The following ERC2 variants were observed in gnomAD, a reference collection of about 807,000 sequenced individuals.
The protein encoded by ERC2 is ERC protein 2.
Under a neutral mutation model 114.8 loss-of-function variants are expected in ERC2, and 42 were observed. That is an observed-to-expected ratio of 0.37 (90% CI 0.29 to 0.47). The LOEUF (loss-of-function observed/expected upper bound fraction) is 0.47, where lower values mean the gene tolerates loss of function less well. Ranked by LOEUF, ERC2 falls within the 20% of genes least tolerant of loss-of-function variation. The probability of loss-of-function intolerance (pLI) is 0.99; values close to 1 mark genes in which losing one functional copy is unlikely to be tolerated. For missense variants in ERC2, 939 were observed against 1,150.7 expected (o/e 0.82, Z 2.66); for synonymous variants, 454 against 425.5 (o/e 1.07, Z -0.82).
chr3:56,327,772 C>A lies in ERC2; in HGVS notation c.658-31337G>T, dbSNP rs910555291. On this transcript the variant is annotated intron_variant, in intron 2 of 17. Coordinates refer to ENST00000288221, the MANE Select transcript of ERC2 (RefSeq NM_015576.3). Reference sequence around the variant, plus strand: ...TTCTGAATCGAGGGAATCAGAGAAACCCTAACCAGCAGGACCCTAACACAA... The same window carrying A: ...TTCTGAATCGAGGGAATCAGAGAAAACCTAACCAGCAGGACCCTAACACAA... Among the ~76,000 whole-genome samples, 7 of 152,158 alleles carry A rather than the reference C, an allele frequency of 4.6e-5. No individual in the cohort carries two copies. In the East Asian group the frequency reaches 1.2e-3, roughly 25 times the overall value.
At chr3:56,451,684 T>C (rs2062834496) in intron 1 of ERC2, among the ~76,000 whole-genome samples, 1 of 152,228 alleles carries the variant, frequency 6.6e-6, no homozygotes, top group East Asian at 1.9e-4. Context: ...GAATGGATAA[T>C]GGTAGGCTTA....
chr3:55,811,342 ACT>A (rs112272075), intron 14 of ERC2, among the ~76,000 whole-genome samples: 4,139 of 152,044 alleles, frequency 0.027, 191 homozygotes, highest in African/African-American at 0.094. Context: ...GCTTTTAGGT[ACT>A]CTCTCTCTCA....
chr3:55,600,622 T>C (rs2058356976), intron 17 of ERC2, among the ~76,000 whole-genome samples: 1 of 152,246 alleles, frequency 6.6e-6, no homozygotes, highest in African/African-American at 2.4e-5. Context: ...ATGTGTGCTC[T>C]TCACTGATTC....
rs551731696 is a variant in ERC2, at chr3:56,309,110, T to C, written c.658-12675A>G. ...TGGCCCCAGTGTGTGGTGGAAGAGT[T>C]GGCCTGCTGAGGGAGGTATAAAAAA... On this transcript the variant is annotated intron_variant, in intron 2 of 17. Coordinates refer to ENST00000288221, the MANE Select transcript of ERC2 (RefSeq NM_015576.3). Among the ~76,000 whole-genome samples the C allele has an allele frequency of 3.3e-5, 5 of 152,320 alleles. No homozygotes were observed. In the South Asian group the frequency reaches 1.0e-3, roughly 32 times the overall value.
chr3:55,982,298 T>C (rs1239222651), intron 12 of ERC2, among the ~76,000 whole-genome samples: 1 of 152,206 alleles, frequency 6.6e-6, no homozygotes, highest in Non-Finnish European at 1.5e-5. Context: ...AGATCCCATC[T>C]GTAAATCAAA....
intron 6 of ERC2, among the ~76,000 whole-genome samples, chr3:56,137,659 CA>C (rs991427303): frequency 1.3e-5 from 2 of 152,162 alleles, no homozygotes; most frequent in African/African-American, 2.4e-5. Flanking sequence ...ACTTTATTTA[CA>C]AAAGCAGGCT....
chr3:56,064,016 C>A lies in ERC2; in HGVS notation c.1641+16801G>T, dbSNP rs1576769961. Among the ~76,000 whole-genome samples the A allele has an allele frequency of 2.6e-5, 4 of 152,132 alleles. No homozygotes were observed. The South Asian group carries it at 8.3e-4, about 32-fold the overall frequency. ...ACTCCTCCACTTGGGAATGCTTTCA[C>A]TGATCTGGAAAAAAAATTTTTTTAA... On this transcript the variant is annotated intron_variant, in intron 7 of 17. Coordinates refer to ENST00000288221, the MANE Select transcript of ERC2 (RefSeq NM_015576.3).
chr3:55,691,767 G>A (rs1399661342), intron 16 of ERC2, among the ~76,000 whole-genome samples: 3 of 151,522 alleles, frequency 2.0e-5, no homozygotes, highest in Non-Finnish European at 4.4e-5. Context: ...CTGATATACG[G>A]TGTTAATTTT....
intron 12 of ERC2, among the ~76,000 whole-genome samples, chr3:55,978,085 C>T (rs1355010099): frequency 1.3e-5 from 2 of 152,112 alleles, no homozygotes; most frequent in Non-Finnish European, 2.9e-5. Context: ...GCAGACATAC[C>T]ATCACTATTT....
intron 15 of ERC2, among the ~76,000 whole-genome samples, chr3:55,704,277 A>T (rs1442156741): frequency 6.6e-6 from 1 of 152,224 alleles, no homozygotes; most frequent in Non-Finnish European, 1.5e-5. Flanking sequence ...CATTGAATTA[A>T]AACTGCTTTT....
At chr3:55,537,790 C>T (rs959814423) in intron 17 of ERC2, among the ~76,000 whole-genome samples, 2 of 152,222 alleles carry the variant, frequency 1.3e-5, no homozygotes, top group Non-Finnish European at 2.9e-5. Flanking sequence ...CATGAGGACA[C>T]ATTTCAACAT....
intron 17 of ERC2, among the ~76,000 whole-genome samples, chr3:55,626,496 C>T (rs1392216093): frequency 6.6e-6 from 1 of 152,184 alleles, no homozygotes; most frequent in Non-Finnish European, 1.5e-5. Flanking sequence ...TTTTTCCATT[C>T]TTTACACATG....
chr3:56,293,232 G>A (rs2055208291), intron 3 of ERC2, among the ~76,000 whole-genome samples: 2 of 152,156 alleles, frequency 1.3e-5, no homozygotes, highest in South Asian at 4.1e-4. Flanking sequence ...AACTTTTGGG[G>A]AACCGTGAGT....
At chr3:55,815,514 A>G (rs1423155856) in intron 14 of ERC2, among the ~76,000 whole-genome samples, 3 of 152,214 alleles carry the variant, frequency 2.0e-5, no homozygotes, top group African/African-American at 7.2e-5. Context: ...ACAAGAAGGC[A>G]ATCAATTCTG....
intron 6 of ERC2, among the ~76,000 whole-genome samples, chr3:56,096,424 A>G (rs2078066913): frequency 6.6e-6 from 1 of 152,204 alleles, no homozygotes; most frequent in African/African-American, 2.4e-5. Flanking sequence ...CAGCAAAGCC[A>G]AGACATCACG....
chr3:56,390,772 G>A (rs555367012), intron 2 of ERC2, among the ~76,000 whole-genome samples: 1 of 152,256 alleles, frequency 6.6e-6, no homozygotes, highest in Admixed American at 6.5e-5. Context: ...TAATGAAGGG[G>A]TTGGATTATC....
chr3:56,043,585 C>T (rs904015099), intron 7 of ERC2, among the ~76,000 whole-genome samples: 1 of 152,178 alleles, frequency 6.6e-6, no homozygotes, highest in South Asian at 2.1e-4. Flanking sequence ...CTTTTAAAAT[C>T]TTTAAACTCT....
chr3:56,295,977 T>C lies in ERC2; in HGVS notation c.1074+42A>G, dbSNP rs758997180. ...AAATAACTTGATAACATATTTTCAC[T>C]TATAAATTAAGGCTTTGGGGAAATA... On this transcript the variant is annotated intron_variant, in intron 3 of 17. Coordinates refer to ENST00000288221, the MANE Select transcript of ERC2 (RefSeq NM_015576.3). 4.0e-6 allele frequency: 6 copies of C among 1,511,516 alleles called. No individual in the cohort carries two copies. In the Admixed American group the frequency reaches 1.1e-4, roughly 28 times the overall value. 93.6% of individuals were successfully genotyped at this position (1,511,516 alleles called of 1,614,324 possible).
chr3:55,831,352 GGGAGA>G (rs2060566279), intron 14 of ERC2, among the ~76,000 whole-genome samples: 1 of 99,410 alleles, frequency 1.0e-5, no homozygotes, highest in Non-Finnish European at 2.0e-5. Context: ...GGGAGGGGAG[GGGAGA>G]GAAGGGGAGG....
Sources: allele counts gnomAD v4.1 joint callset (sites outside exome capture counted in the v4.1 genomes callset), GRCh38; gene constraint gnomAD v4.1.1; transcripts MANE v1.5; gene names NCBI Gene and HGNC (gene_info 2026-07-23, HGNC 2026-07-21).